STPG2: variants seen among roughly 807,000 people sequenced by gnomAD.
STPG2 encodes the protein sperm tail PG-rich repeat containing 2.
A neutral mutation model predicts 54.2 loss-of-function variants in STPG2; 56 were observed. That is an observed-to-expected ratio of 1.03 (90% CI 0.83 to 1.29). STPG2 has a LOEUF of 1.29. Ranked by LOEUF, STPG2 falls within the 50% of genes most tolerant of loss-of-function variation. The pLI is 0.00. For missense variants in STPG2, 596 were observed against 544.9 expected (o/e 1.09, Z -0.93); for synonymous variants, 200 against 181.8 (o/e 1.10, Z -0.81).
intron 10 of STPG2, among the ~76,000 whole-genome samples, chr4:97,624,145 T>C (rs1319158837): frequency 6.6e-6 from 1 of 152,210 alleles, no homozygotes; most frequent in South Asian, 2.1e-4. Context: ...TTCCTTTGGG[T>C]GTATACCCAG....
intron 5 of STPG2, among the ~76,000 whole-genome samples, chr4:98,014,703 A>T (rs868068561): frequency 2.0e-5 from 3 of 152,178 alleles, no homozygotes; most frequent in Admixed American, 2.0e-4. Flanking sequence ...CTTATAGTCA[A>T]TGTTATACTT....
At chr4:97,903,796 G>T (rs1024064346) in intron 8 of STPG2, among the ~76,000 whole-genome samples, 1 of 152,230 alleles carries the variant, frequency 6.6e-6, no homozygotes, top group Non-Finnish European at 1.5e-5. Flanking sequence ...GGAAGCGCAA[G>T]GGGTCAGGGA....
chr4:98,124,682 A>C (rs1294885736), intron 3 of STPG2, among the ~76,000 whole-genome samples: 2 of 152,046 alleles, frequency 1.3e-5, no homozygotes, highest in Non-Finnish European at 2.9e-5. Flanking sequence ...GTAGTATCTT[A>C]CTGGGGTTCT....
chr4:97,668,458 G>A (rs1175694808), intron 10 of STPG2, among the ~76,000 whole-genome samples: 1 of 152,148 alleles, frequency 6.6e-6, no homozygotes, highest in South Asian at 2.1e-4. Flanking sequence ...AACTGTGACT[G>A]TCAGATGGAG....
intron 4 of STPG2, among the ~76,000 whole-genome samples, chr4:97,447,350 G>T (rs1729249249): frequency 6.6e-6 from 1 of 152,340 alleles, no homozygotes; most frequent in South Asian, 2.1e-4. Context: ...GCCATCTGCA[G>T]AAATTTGCAT....
At chr4:97,458,178 A>C (rs1729574447) in intron 4 of STPG2, among the ~76,000 whole-genome samples, 1 of 152,158 alleles carries the variant, frequency 6.6e-6, no homozygotes, top group African/African-American at 2.4e-5. Context: ...CTTCATTGAA[A>C]CCATGTTCAA....
intron 5 of STPG2, among the ~76,000 whole-genome samples, chr4:98,087,467 G>A (rs139091787): frequency 6.6e-6 from 1 of 151,736 alleles, no homozygotes; most frequent in East Asian, 1.9e-4. Context: ...TACTCAAAAT[G>A]CCCTCATCCA....
chr4:97,451,970 C>T (rs1279778597), intron 4 of STPG2, among the ~76,000 whole-genome samples: 1 of 152,130 alleles, frequency 6.6e-6, no homozygotes, highest in Non-Finnish European at 1.5e-5. Context: ...GGACTGCACA[C>T]TCCATGGAGC....
chr4:97,998,114 G>T (rs981236786), intron 5 of STPG2, among the ~76,000 whole-genome samples: 1 of 152,188 alleles, frequency 6.6e-6, no homozygotes, highest in Non-Finnish European at 1.5e-5. Context: ...AGTCATGATA[G>T]ATTGTCTACA....
intron 10 of STPG2, among the ~76,000 whole-genome samples, chr4:97,599,578 C>G (rs1465737164): frequency 6.6e-6 from 1 of 152,026 alleles, no homozygotes; most frequent in Non-Finnish European, 1.5e-5. Context: ...AATCCCAGCA[C>G]TTTGGGAGGC....
intron 8 of STPG2, among the ~76,000 whole-genome samples, chr4:97,852,428 G>A (rs1729189191): frequency 6.6e-6 from 1 of 152,108 alleles, no homozygotes; most frequent in African/African-American, 2.4e-5. Flanking sequence ...AGGCCCTCAA[G>A]AACCTCACCT....
At chr4:97,863,683 G>A (rs906998277) in intron 8 of STPG2, among the ~76,000 whole-genome samples, 13 of 152,054 alleles carry the variant, frequency 8.5e-5, no homozygotes, top group Admixed American at 2.6e-4. Context: ...GATAAACATT[G>A]ACACAAAAAT....
chr4:97,523,883 GACTTT>G (rs1246869603), intron 4 of STPG2, among the ~76,000 whole-genome samples: 2 of 151,942 alleles, frequency 1.3e-5, no homozygotes, highest in Admixed American at 1.3e-4. Flanking sequence ...GAGGGCATAG[GACTTT>G]CAGTAAAGTG....
At chr4:98,131,713 C>T (rs1166179404) in intron 2 of STPG2, among the ~76,000 whole-genome samples, 3 of 152,048 alleles carry the variant, frequency 2.0e-5, no homozygotes, top group African/African-American at 7.2e-5. Context: ...TTATATAGCA[C>T]CCAATGTACC....
intron 9 of STPG2, among the ~76,000 whole-genome samples, chr4:97,824,306 C>T (rs1161651260): frequency 6.6e-6 from 1 of 152,072 alleles, no homozygotes; most frequent in Non-Finnish European, 1.5e-5. Context: ...CTCTCTCTCT[C>T]ATAAACAGTT....
intron 9 of STPG2, among the ~76,000 whole-genome samples, chr4:97,738,404 G>C (rs989985696): frequency 6.6e-6 from 1 of 152,154 alleles, no homozygotes; most frequent in Non-Finnish European, 1.5e-5. Context: ...CCCATTAAAA[G>C]ACACAGACTG....
chr4:97,562,517 G>A (rs1329040853), intron 10 of STPG2, among the ~76,000 whole-genome samples: 1 of 152,122 alleles, frequency 6.6e-6, no homozygotes, highest in Admixed American at 6.5e-5. Context: ...CCTGTCTTGT[G>A]CCAGTTTTCA....
intron 5 of STPG2, among the ~76,000 whole-genome samples, chr4:98,030,846 A>C (rs1230116403): frequency 6.6e-6 from 1 of 152,230 alleles, no homozygotes; most frequent in African/African-American, 2.4e-5. Context: ...CAGAAGACTG[A>C]AACTGGGCCC....
intron 10 of STPG2, among the ~76,000 whole-genome samples, chr4:97,684,322 C>T (rs1723121350): frequency 1.3e-5 from 2 of 151,802 alleles, no homozygotes; most frequent in South Asian, 2.1e-4. Flanking sequence ...ACTAATACTA[C>T]CCTACTTCAA....
Sources: allele counts gnomAD v4.1 joint callset (sites outside exome capture counted in the v4.1 genomes callset), GRCh38; gene constraint gnomAD v4.1.1; transcripts MANE v1.5; gene names NCBI Gene and HGNC (gene_info 2026-07-23, HGNC 2026-07-21).